Variants in WDR19 observed in about 807,000 individuals in gnomAD.
The protein encoded by WDR19 is WD repeat domain 19.
Under a neutral mutation model 180.0 loss-of-function variants are expected in WDR19, and 121 were observed. The observed-to-expected ratio is 0.67, with a 90% CI of 0.58 to 0.78. The LOEUF is 0.78. WDR19 is among the 30% of genes least tolerant of loss of function. The pLI, the probability that WDR19 is intolerant of heterozygous loss-of-function variation, is 0.00. For synonymous variants in WDR19, 497 were observed against 540.7 expected (o/e 0.92, Z 1.12); for missense variants, 1,450 against 1,640.7 (o/e 0.88, Z 2.01).
chr4:39,281,526 G>T (rs6852967), intron 36 of WDR19, among the ~76,000 whole-genome samples: 76,149 of 151,440 alleles, frequency 0.5, 20,493 homozygotes, highest in African/African-American at 0.7. Flanking sequence ...ATCCTCCAAT[G>T]TGTTATTTTT....
intron 19 of WDR19, 75 bp downstream of exon 19, chr4:39,232,347 G>T: frequency 1.6e-6 from 2 of 1,257,704 alleles, no homozygotes; most frequent in Non-Finnish European, 2.2e-6. Flanking sequence ...AAATGGGGCC[G>T]GGTGCAGCCG....
rs1409081788 is a variant in WDR19 at position 39,228,201 on chromosome 4, AT to A, written c.1630-5del. The stretch of plus-strand genomic sequence containing the variant: ...GACTTGGGGCAAATCTGTAAATTTT[AT>A]TTTGTAGGTCAATGACGCTACCTAT... On this transcript the variant is annotated splice_polypyrimidine_tract_variant and splice_region_variant and intron_variant, in intron 15 of 36. Coordinates refer to ENST00000399820, the MANE Select transcript of WDR19 (RefSeq NM_025132.4). 1.9e-6 allele frequency: 3 copies of A among 1,611,006 alleles called. No individual in the cohort carries two copies. The highest frequency in any genetic ancestry group is 2.5e-6 in the Non-Finnish European group (3 of 1,179,020).
intron 3 of WDR19, among the ~76,000 whole-genome samples, chr4:39,188,925 TC>T (rs1305413260): frequency 2.4e-4 from 37 of 151,694 alleles, no homozygotes; most frequent in African/African-American, 8.3e-4. Context: ...CATTTTTTTT[TC>T]TTTTTTTTTT....
At chr4:39,274,984 A>G (rs1735758551) in intron 33 of WDR19, 26 bp downstream of exon 33, 1 of 1,596,266 alleles carries the variant, frequency 6.3e-7, no homozygotes, top group Non-Finnish European at 8.5e-7. Flanking sequence ...TATTTCTGCT[A>G]TCTAATCGTA....
chr4:39,280,158 C>T (rs1228686026), intron 36 of WDR19, among the ~76,000 whole-genome samples: 10 of 115,612 alleles, frequency 8.6e-5, no homozygotes, highest in African/African-American at 2.7e-4. Context: ...GGCAGGGTCT[C>T]GCCACATTGC....
Position 39,244,609 on chromosome 4 carries a change from G to A in WDR19, c.2645+57G>A, listed in dbSNP as rs190413634. 2.7e-3 allele frequency: 4,316 copies of A among 1,598,104 alleles called. 15 individuals are homozygous for A. Among genetic ancestry groups the A allele is most frequent in the Non-Finnish European group, 3.2e-3 (3,782 of 1,167,248 alleles). ...GGATTGGAAATGAATGTGCCTCTGG[G>A]GTCTCCCCACTTGCCTCCTTGCCAT... On this transcript the variant is annotated intron_variant, in intron 23 of 36. Coordinates refer to ENST00000399820, the MANE Select transcript of WDR19 (RefSeq NM_025132.4).
intron 24 of WDR19, among the ~76,000 whole-genome samples, chr4:39,252,424 G>T (rs1482386656): frequency 6.7e-6 from 1 of 150,318 alleles, no homozygotes; most frequent in Admixed American, 6.6e-5. Flanking sequence ...CGAGTTAATG[G>T]GTGCAGCACA....
Position 39,185,755 on chromosome 4 carries a change from G to A in WDR19, c.36G>A (p.Trp12Ter). Reference sequence around the variant, plus strand: ...TTTTCTCACTGCTAGAAAAGACTTGGCTTGGCGCACCAATACAGTTTGCCT... The same window carrying A: ...TTTTCTCACTGCTAGAAAAGACTTGACTTGGCGCACCAATACAGTTTGCCT... The part of the protein sequence containing the change: ...KRIFSLLEKT[W>*]LGAPIQFAWQ... Residue 12 changes from tryptophan to a stop codon, truncating the protein, a stop_gained, in exon 2 of 37, where the codon TGG (tryptophan) becomes TGA (stop). Coordinates refer to ENST00000399820, the MANE Select transcript of WDR19 (RefSeq NM_025132.4). LOFTEE classifies it high-confidence loss of function. 1 of 1,558,916 alleles carries A rather than the reference G, an allele frequency of 6.4e-7. No individual in the cohort carries two copies. The highest frequency in any genetic ancestry group is 8.7e-7 in the Non-Finnish European group (1 of 1,150,502).
chr4:39,253,011 G>T, intron 24 of WDR19, 135 bp from the exon 25 acceptor site: 1 of 811,870 alleles, frequency 1.2e-6, no homozygotes. Flanking sequence ...GTATTTTTCT[G>T]ATAAAGGAAA....
rs1029855279 is a variant in WDR19 at position 39,186,750 on chromosome 4, T to G, written c.164+146T>G. On this transcript the variant is annotated intron_variant, in intron 3 of 36. Coordinates refer to ENST00000399820, the MANE Select transcript of WDR19 (RefSeq NM_025132.4). ...TTGTTTTTTTAGCCATAAGTAGTTA[T>G]GAAATATGTAGAGATATAGCATGAA... is the stretch of plus-strand genomic sequence containing the variant. 5.3e-6 allele frequency: 3 copies of G among 570,948 alleles called. No homozygotes were observed. In the East Asian group the frequency reaches 9.9e-5, roughly 19 times the overall value. 35.4% of individuals were successfully genotyped at this position (570,948 alleles called of 1,614,324 possible).
At chr4:39,232,321 GAAATGGGGGAAAAAA>G in intron 19 of WDR19, 49 bp downstream of exon 19, 1 of 1,458,064 alleles carries the variant, frequency 6.9e-7, no homozygotes, top group Non-Finnish European at 9.4e-7. Flanking sequence ...ATCCAGTGGG[GAAATGGGGGAAAAAA>G]AAATGGGGCC....
intron 1 of WDR19, among the ~76,000 whole-genome samples, chr4:39,183,841 A>G (rs1725234985): frequency 6.6e-6 from 1 of 152,194 alleles, no homozygotes; most frequent in Middle Eastern, 3.2e-3. Context: ...TCTGCACGGT[A>G]TGTGGAGCAT....
At chr4:39,223,087 G>A (rs941929194) in intron 14 of WDR19, among the ~76,000 whole-genome samples, 5 of 152,140 alleles carry the variant, frequency 3.3e-5, no homozygotes, top group African/African-American at 9.7e-5. Context: ...TGGTATGGAT[G>A]TACTTAGTTT....
chr4:39,215,293 T>TTTTCTTTCTTTCTTTC (rs756637025), intron 10 of WDR19, among the ~76,000 whole-genome samples: 3 of 145,264 alleles, frequency 2.1e-5, no homozygotes, highest in African/African-American at 7.6e-5. Flanking sequence ...ATTTACTACC[T>TTTTCTTTCTTTCTTTC]TTTCTTTGTT....
chr4:39,206,384 A>G (rs1727954613), intron 9 of WDR19, among the ~76,000 whole-genome samples: 1 of 152,216 alleles, frequency 6.6e-6, no homozygotes, highest in African/African-American at 2.4e-5. Context: ...ACAGGCACCT[A>G]AAACTCTGAT....
chr4:39,203,810 GATAA>G, intron 7 of WDR19, 88 bp downstream of exon 7: 1 of 1,241,384 alleles, frequency 8.1e-7, no homozygotes, highest in Non-Finnish European at 1.2e-6. Context: ...CTAAAATAGT[GATAA>G]ATAAATTAGG....
At chr4:39,271,671 A>G (rs1240671187) in intron 31 of WDR19, among the ~76,000 whole-genome samples, 7 of 152,230 alleles carry the variant, frequency 4.6e-5, no homozygotes, top group Non-Finnish European at 8.8e-5. Context: ...TCCAACTTAC[A>G]TATTTTTTCA....
chr4:39,205,682 C>G lies in WDR19; in HGVS notation c.836C>G (p.Thr279Ser). Reference sequence around the variant, plus strand: ...GCTCGTAACCATAAAGATAATCTAACCAGCATTGCAGTATCACAGACTCTT... The same window carrying G: ...GCTCGTAACCATAAAGATAATCTAAGCAGCATTGCAGTATCACAGACTCTT... ...FQARNHKDNL[T>S]SIAVSQTLNK... Residue 279 changes from threonine (T) to serine (S), a missense_variant, in exon 9 of 37, where the codon ACC becomes AGC. Thr to Ser is a moderately conservative substitution (Grantham distance 58). Coordinates refer to ENST00000399820, the MANE Select transcript of WDR19 (RefSeq NM_025132.4). 1 of 1,611,198 alleles carries G rather than the reference C, an allele frequency of 6.2e-7. No individual in the cohort carries two copies. The highest frequency in any genetic ancestry group is 2.2e-5 in the East Asian group (1 of 44,810).
intron 21 of WDR19, among the ~76,000 whole-genome samples, chr4:39,241,345 T>C (rs1731917681): frequency 6.6e-6 from 1 of 152,010 alleles, no homozygotes; most frequent in Non-Finnish European, 1.5e-5. Flanking sequence ...ATACAAAAAT[T>C]AGCCAGCCGT....
Sources: allele counts gnomAD v4.1 joint callset (sites outside exome capture counted in the v4.1 genomes callset), GRCh38; gene constraint gnomAD v4.1.1; transcripts MANE v1.5; gene names NCBI Gene and HGNC (gene_info 2026-07-23, HGNC 2026-07-21).